Variants in CUL4A observed in about 807,000 individuals in gnomAD.
CUL4A encodes cullin-4A.
A neutral mutation model predicts 95.5 loss-of-function variants in CUL4A; 16 were observed. That is an observed-to-expected ratio of 0.17 (90% CI 0.11 to 0.25). The LOEUF (loss-of-function observed/expected upper bound fraction) is 0.25, where lower values mean the gene tolerates loss of function less well. CUL4A is among the 10% of genes least tolerant of loss of function. CUL4A has a pLI of 1.00. For missense variants in CUL4A, 610 were observed against 937.0 expected (o/e 0.65, Z 4.56); for synonymous variants, 380 against 353.1 (o/e 1.08, Z -0.85).
intron 18 of CUL4A, among the ~76,000 whole-genome samples, chr13:113,258,365 C>G (rs1194254304): frequency 6.6e-6 from 1 of 152,128 alleles, no homozygotes; most frequent in Non-Finnish European, 1.5e-5. Context: ...TTGTATCACG[C>G]CTTTGCTCCC....
intron 6 of CUL4A, 22 bp downstream of exon 6, chr13:113,233,361 G>A (rs373307975): frequency 6.2e-7 from 1 of 1,605,194 alleles, no homozygotes; most frequent in African/African-American, 1.3e-5. Flanking sequence ...CTGTGCGGAA[G>A]ATACCTGGGT....
Position 113,233,929 on chromosome 13 carries a change from G to C in CUL4A, c.708G>C (p.Leu236Phe). The C allele has an allele frequency of 1.2e-6, 2 of 1,609,854 alleles. No individual in the cohort carries two copies. Among genetic ancestry groups the C allele is most frequent in the Non-Finnish European group, 1.7e-6 (2 of 1,176,602 alleles). ...VYKDSFELKF[L>F]EETNCLYAAE... The stretch of plus-strand genomic sequence containing the variant: ...AAGATTCATTTGAACTGAAATTTTT[G>C]GAAGAGACTAATTGCTTATATGCTG... Residue 236 changes from leucine (L) to phenylalanine (F), a missense_variant, in exon 7 of 20, where the codon TTG (leucine) becomes TTC (phenylalanine). Physicochemically the swap from Leu to Phe is conservative, Grantham distance 22. Around this residue, in one of 10 missense-constraint regions of CUL4A, gnomAD observed 97 missense variants for 100.3 expected, o/e 0.97. Transcript: ENST00000375440.
intron 3 of CUL4A, among the ~76,000 whole-genome samples, chr13:113,221,807 A>T (rs1040624431): frequency 6.6e-6 from 1 of 151,978 alleles, no homozygotes; most frequent in African/African-American, 2.4e-5. Flanking sequence ...CGAACTCCTG[A>T]CCTCGTGATC....
rs2041423429 is a variant in CUL4A at position 113,233,287 on chromosome 13, C to T, written c.623C>T (p.Ala208Val). 5 of 1,613,626 alleles carry T rather than the reference C, an allele frequency of 3.1e-6. No homozygotes were observed. Among genetic ancestry groups the T allele is most frequent in the Admixed American group, 1.7e-5 (1 of 60,010 alleles). The change falls in exon 6 of 20, where the codon GCC becomes GTC. Residue 208 changes from alanine to valine, a missense_variant. By Grantham distance (64) the Ala-to-Val change is moderately conservative. This residue lies in a region of CUL4A where 97 missense variants were observed against 100.3 expected (regional missense o/e 0.97). Transcript: ENST00000375440. The stretch of plus-strand genomic sequence containing the variant: ...ATCGAGCGCGAGAGGAGCGGCGAGG[C>T]CGTGGACCGGAGCCTGTTGCGGAGC... ...LLIERERSGEAVDRSLLRSLL... is the reference protein window; with the variant it reads ...LLIERERSGEVVDRSLLRSLL...
intron 10 of CUL4A, 68 bp downstream of exon 10, chr13:113,239,619 C>T (rs1490444194): frequency 1.3e-5 from 16 of 1,211,342 alleles, no homozygotes; most frequent in African/African-American, 7.6e-5. Context: ...CTCCTGAGAA[C>T]GCCTAGTGTG....
At chr13:113,209,452 C>A, upstream of CUL4A, 1 of 188,106 alleles carries the variant, frequency 5.3e-6, no homozygotes, top group Non-Finnish European at 9.8e-6. Context: ...TCCCGGCGCG[C>A]GTTCCTAAGC....
rs751479575 is a variant in CUL4A at position 113,243,080 on chromosome 13, A to G, written c.1148A>G (p.Asn383Ser). ...GTGATCGAGGTCTGCTTCCAGAAGA[A>G]TGAGCGGTTCGTCAACCTGATGAAG... Reference protein sequence around the residue: ...DHVIEVCFQKNERFVNLMKES... With the variant: ...DHVIEVCFQKSERFVNLMKES... Residue 383 changes from asparagine (N) to serine (S), a missense_variant, in exon 11 of 20, where the codon AAT becomes AGT. Transcript: ENST00000375440. 3 of 1,614,242 alleles carry G rather than the reference A, an allele frequency of 1.9e-6. No individual in the cohort carries two copies. Among genetic ancestry groups the G allele is most frequent in the Non-Finnish European group, 2.5e-6 (3 of 1,180,038 alleles).
chr13:113,247,424 T>C (rs1324434824), intron 15 of CUL4A, among the ~76,000 whole-genome samples: 1 of 152,194 alleles, frequency 6.6e-6, no homozygotes, highest in Admixed American at 6.5e-5. Flanking sequence ...AGGACACCTC[T>C]GGAACAAGAG....
At chr13:113,229,140 A>G (rs1291219819) in intron 4 of CUL4A, among the ~76,000 whole-genome samples, 1 of 152,116 alleles carries the variant, frequency 6.6e-6, no homozygotes, top group Non-Finnish European at 1.5e-5. Flanking sequence ...AAGAAAAATG[A>G]CCAAATTTAA....
intron 4 of CUL4A, among the ~76,000 whole-genome samples, chr13:113,228,447 G>A (rs747621457): frequency 1.7e-4 from 26 of 152,156 alleles, no homozygotes; most frequent in Non-Finnish European, 2.6e-4. Flanking sequence ...TGACCTGGCC[G>A]TTAATTACTT....
chr13:113,208,901 G>A (rs2040190061), upstream of CUL4A: 1 of 1,383,274 alleles, frequency 7.2e-7, no homozygotes, highest in Non-Finnish European at 9.3e-7. Context: ...TGAGGGGTTT[G>A]GGGTCCAGTG....
intron 19 of CUL4A, 131 bp from the exon 20 acceptor site, chr13:113,263,356 T>C (rs1204729851): frequency 7.8e-6 from 3 of 385,838 alleles, no homozygotes; most frequent in African/African-American, 2.1e-5. Flanking sequence ...TAAATGATTT[T>C]CATATAAATA....
chr13:113,241,106 C>A (rs144053415), intron 10 of CUL4A, among the ~76,000 whole-genome samples: 45 of 152,204 alleles, frequency 3.0e-4, no homozygotes, highest in African/African-American at 1.1e-3. Flanking sequence ...CCCACAAGGT[C>A]TCGTACAATG....
chr13:113,233,682 T>C (rs758437427), intron 6 of CUL4A, among the ~76,000 whole-genome samples: 16 of 152,134 alleles, frequency 1.1e-4, no homozygotes, highest in African/African-American at 1.4e-4. Flanking sequence ...CGAAGTTCTT[T>C]AGAGCAATAG....
intron 18 of CUL4A, 109 bp from the exon 19 acceptor site, chr13:113,260,498 C>T (rs111568611): frequency 0.024 from 23,430 of 968,548 alleles, 1,332 homozygotes; most frequent in African/African-American, 0.2. Flanking sequence ...TGCAGTGAGC[C>T]GAGATCACAC....
At chr13:113,251,618 G>C (rs946438550) in intron 15 of CUL4A, among the ~76,000 whole-genome samples, 2 of 152,118 alleles carry the variant, frequency 1.3e-5, no homozygotes, top group South Asian at 4.1e-4. Flanking sequence ...GTTCTCATGA[G>C]ATCTGGTTGT....
chr13:113,218,921 T>C (rs2040796209), intron 2 of CUL4A, 24 bp from the exon 3 acceptor site: 1 of 1,511,502 alleles, frequency 6.6e-7, no homozygotes, highest in African/African-American at 1.4e-5. Flanking sequence ...TACTGAAGAA[T>C]TGATGTAGCC....
intron 2 of CUL4A, 42 bp from the exon 3 acceptor site, chr13:113,218,903 G>A: frequency 7.2e-7 from 1 of 1,385,958 alleles, no homozygotes; most frequent in African/African-American, 1.5e-5. Flanking sequence ...GAACCAATCT[G>A]TTGTTCATAC....
At chr13:113,248,451 C>G (rs1440502673) in intron 15 of CUL4A, among the ~76,000 whole-genome samples, 3 of 152,198 alleles carry the variant, frequency 2.0e-5, no homozygotes, top group Non-Finnish European at 2.9e-5. Context: ...GGTTCCTTTG[C>G]TCTTTGATAT....
Sources: allele counts gnomAD v4.1 joint callset (sites outside exome capture counted in the v4.1 genomes callset), GRCh38; gene constraint gnomAD v4.1.1; regional missense constraint gnomAD v4.1.1; transcripts MANE v1.5; gene names NCBI Gene and HGNC (gene_info 2026-07-23, HGNC 2026-07-21).